EPB41L4B: variants seen among roughly 807,000 people sequenced by gnomAD.
EPB41L4B encodes band 4.1-like protein 4B.
Under a neutral mutation model 112.5 loss-of-function variants are expected in EPB41L4B, and 30 were observed. That is an observed-to-expected ratio of 0.27 (90% CI 0.20 to 0.36). EPB41L4B has a LOEUF of 0.36. EPB41L4B is among the 10% of genes least tolerant of loss of function. The pLI, the probability that EPB41L4B is intolerant of heterozygous loss-of-function variation, is 1.00. For missense variants in EPB41L4B, 1,024 were observed against 1,133.3 expected (o/e 0.90, Z 1.38); for synonymous variants, 408 against 439.7 (o/e 0.93, Z 0.90).
In EPB41L4B at chr9:109,172,168, A is replaced by G. The variant is rs1266481949; in HGVS notation, c.*2386T>C. The G allele has an allele frequency of 1.3e-5, 2 of 152,234 alleles. No individual in the cohort carries two copies. The highest frequency in any genetic ancestry group is 4.8e-5 in the African/African-American group (2 of 41,458). The allele number at this position is 152,234 out of a possible 1,614,324, so 9.4% of individuals were successfully genotyped here. A position where few individuals can be genotyped will look rare whatever the true frequency, so the allele number is the denominator to read the frequency against. ...CCAGAGCCTCCTGGAAACACTGGCC[A>G]AAAAGCCCATGCATCCCTTCTTGGA... On this transcript the variant is annotated 3_prime_UTR_variant, in exon 26 of 26. Transcript: ENST00000374566.
At chr9:109,268,011 C>G (rs1032607873) in intron 3 of EPB41L4B, among the ~76,000 whole-genome samples, 5 of 152,184 alleles carry the variant, frequency 3.3e-5, no homozygotes, top group Non-Finnish European at 7.3e-5. Flanking sequence ...CACACCTGTA[C>G]ATTGAGAAAG....
intron 15 of EPB41L4B, among the ~76,000 whole-genome samples, chr9:109,221,595 A>C (rs1329066044): frequency 6.6e-6 from 1 of 152,220 alleles, no homozygotes; most frequent in Non-Finnish European, 1.5e-5. Context: ...GATTTGAGAA[A>C]GGGAGAATGT....
chr9:109,185,686 G>A, intron 22 of EPB41L4B, 81 bp from the exon 23 acceptor site: 2 of 1,098,302 alleles, frequency 1.8e-6, no homozygotes, highest in African/African-American at 1.6e-5. Flanking sequence ...GGAAGGGAAA[G>A]GAGAGAAAGA....
intron 1 of EPB41L4B, among the ~76,000 whole-genome samples, chr9:109,305,490 T>G (rs1425902893): frequency 3.3e-5 from 5 of 150,194 alleles, no homozygotes; most frequent in African/African-American, 4.9e-5. Context: ...TGGTGGCGGG[T>G]GCCTGTAATC....
rs371026320 is a variant in EPB41L4B, at chr9:109,253,450, T to A, written c.1270A>T (p.Thr424Ser). The A allele has an allele frequency of 6.1e-5, 99 of 1,610,498 alleles. No homozygotes were observed. Among genetic ancestry groups the A allele is most frequent in the Non-Finnish European group, 7.8e-5 (92 of 1,177,078 alleles). ...ATGAAAAACACACAACCTTTGAACGTTGAATGTCTCCGGGATGGATAACGT... is the reference window on the plus strand; with the variant it reads ...ATGAAAAACACACAACCTTTGAACGATGAATGTCTCCGGGATGGATAACGT... ...SKRYPSRRHS[T>S]FKASNPVIAA... Residue 424 changes from threonine to serine, a missense_variant, in exon 12 of 26, where the codon ACG becomes TCG. Coordinates refer to ENST00000374566, the MANE Select transcript of EPB41L4B (RefSeq NM_019114.5).
intron 2 of EPB41L4B, among the ~76,000 whole-genome samples, chr9:109,272,141 C>T (rs564524053): frequency 1.3e-5 from 2 of 152,224 alleles, no homozygotes; most frequent in South Asian, 2.1e-4. Context: ...ATTTCTAGGA[C>T]CTGCAAATTT....
intron 24 of EPB41L4B, among the ~76,000 whole-genome samples, chr9:109,179,365 C>T (rs985567074): frequency 6.6e-6 from 1 of 152,154 alleles, no homozygotes; most frequent in Non-Finnish European, 1.5e-5. Context: ...TGTGGAGAGG[C>T]CAAACCTGCA....
chr9:109,251,578 G>A, intron 12 of EPB41L4B, 67 bp from the exon 13 acceptor site: 3 of 1,418,036 alleles, frequency 2.1e-6, no homozygotes, highest in Non-Finnish European at 3.0e-6. Context: ...TGCAATGACA[G>A]ATAATGGCCA....
chr9:109,200,847 T>C (rs960794991), intron 19 of EPB41L4B, among the ~76,000 whole-genome samples: 1 of 152,170 alleles, frequency 6.6e-6, no homozygotes. Flanking sequence ...CTTTAGGACT[T>C]GCTGTAACAC....
In EPB41L4B at chr9:109,192,339, C is replaced by T. The variant is rs200634407; in HGVS notation, c.2240G>A (p.Gly747Glu). The T allele has an allele frequency of 4.0e-4, 642 of 1,611,960 alleles. No individual in the cohort carries two copies. The highest frequency in any genetic ancestry group is 4.8e-4 in the Non-Finnish European group (571 of 1,179,048). Residue 747 changes from glycine to glutamate, a missense_variant, in exon 22 of 26, where the codon GGA becomes GAA. Gly to Glu is a moderately conservative substitution (Grantham distance 98). Coordinates refer to ENST00000374566, the MANE Select transcript of EPB41L4B (RefSeq NM_019114.5). ...ACCCGGCTCCAGGGTAAAGGCACCT[C>T]CTCGGTCAGAGGGGCTCTAGGGAGA... ...SPGAKSPSDR[G>E]GAFTLEPGDL...
intron 17 of EPB41L4B, among the ~76,000 whole-genome samples, chr9:109,208,983 A>G (rs369665526): frequency 2.2e-4 from 33 of 152,324 alleles, no homozygotes; most frequent in East Asian, 1.2e-3. Flanking sequence ...AATAAGGAAG[A>G]CAGGACCGTG....
chr9:109,298,234 C>A (rs768054127), intron 1 of EPB41L4B, among the ~76,000 whole-genome samples: 4 of 151,802 alleles, frequency 2.6e-5, no homozygotes, highest in Admixed American at 6.6e-5. Context: ...TGAATAGAAT[C>A]TTGACTATAA....
intron 15 of EPB41L4B, among the ~76,000 whole-genome samples, chr9:109,228,325 C>G (rs1833850998): frequency 6.6e-6 from 1 of 152,188 alleles, no homozygotes; most frequent in Non-Finnish European, 1.5e-5. Flanking sequence ...TGTTCTCAAA[C>G]TTTCCTCAGT....
At chr9:109,226,631 A>T (rs369936517) in intron 15 of EPB41L4B, among the ~76,000 whole-genome samples, 1 of 97,948 alleles carries the variant, frequency 1.0e-5, no homozygotes, top group Non-Finnish European at 2.0e-5. Context: ...TATATATATG[A>T]AGAATATATA....
chr9:109,292,187 G>A (rs1836560578), intron 1 of EPB41L4B, among the ~76,000 whole-genome samples: 1 of 152,170 alleles, frequency 6.6e-6, no homozygotes, highest in Non-Finnish European at 1.5e-5. Flanking sequence ...TGATTCAATA[G>A]TGTACGAATG....
At chr9:109,250,356 G>A (rs951089573) in intron 13 of EPB41L4B, among the ~76,000 whole-genome samples, 7 of 152,118 alleles carry the variant, frequency 4.6e-5, no homozygotes, top group African/African-American at 1.7e-4. Flanking sequence ...CCCGTGCCAC[G>A]TTTTGCCAAC....
intron 15 of EPB41L4B, among the ~76,000 whole-genome samples, chr9:109,232,186 T>C (rs926056121): frequency 2.6e-4 from 40 of 152,042 alleles, no homozygotes; most frequent in African/African-American, 8.5e-4. Flanking sequence ...GAGACGGAGT[T>C]TCACTATGCT....
At chr9:109,180,870 C>G (rs1281771135) in intron 24 of EPB41L4B, among the ~76,000 whole-genome samples, 2 of 152,198 alleles carry the variant, frequency 1.3e-5, no homozygotes, top group African/African-American at 2.4e-5. Flanking sequence ...TTCCTCACTT[C>G]TGCTCCATCT....
At chr9:109,300,689 G>A (rs554930971) in intron 1 of EPB41L4B, 1 of 152,262 alleles carries the variant, frequency 6.6e-6, no homozygotes, top group African/African-American at 2.4e-5. Flanking sequence ...CGGAGGCTGA[G>A]GTAGGAGAAT....
Sources: gnomAD v4.1 joint callset for allele counts (sites outside exome capture counted in the v4.1 genomes callset) on GRCh38, gnomAD v4.1.1 for gene constraint, MANE v1.5 for transcripts, NCBI Gene and HGNC (gene_info 2026-07-23, HGNC 2026-07-21) for gene names.